CCBE1: variants seen among roughly 807,000 people sequenced by gnomAD.
CCBE1 encodes collagen and calcium-binding EGF domain-containing protein 1.
In CCBE1, 37 loss-of-function variants were observed where a neutral mutation model predicts 50.0. The observed-to-expected ratio is 0.74, with a 90% confidence interval of 0.57 to 0.97. The LOEUF (loss-of-function observed/expected upper bound fraction) is 0.97. Among genes scored for constraint, CCBE1 ranks in the 50% least tolerant of loss-of-function variants. The pLI is 0.00. For missense variants in CCBE1, 538 were observed against 523.8 expected (o/e 1.03, Z -0.26); for synonymous variants, 234 against 203.7 (o/e 1.15, Z -1.27).
chr18:59,448,117 A>G lies in CCBE1; in HGVS notation c.655-14T>C. On this transcript the variant is annotated splice_polypyrimidine_tract_variant and intron_variant, in intron 6 of 10. Transcript: ENST00000439986. ...GAGCAGAGCAATCTGCAAGGAGAAG[A>G]GGAAGCCTCAGTCAGGAAGCAATGG... is the stretch of plus-strand genomic sequence containing the variant. 6.2e-7 allele frequency: 1 copy of G among 1,613,458 alleles called. No individual in the cohort carries two copies. Among genetic ancestry groups the G allele is most frequent in the Non-Finnish European group, 8.5e-7 (1 of 1,179,968 alleles).
In CCBE1 at chr18:59,517,681, T is replaced by C. The variant is rs117698069; in HGVS notation, c.213-37443A>G. Among the ~76,000 whole-genome samples, 22 of 152,322 alleles carry C rather than the reference T, an allele frequency of 1.4e-4. No homozygotes were observed. In the East Asian group the frequency reaches 4.1e-3, roughly 28 times the overall value. ...ATCCCTTTCTTCCTAGACTCATTTA[T>C]AAGCACCACTTAAAACCAGATGCCA... On this transcript the variant is annotated intron_variant, in intron 2 of 10. Transcript: ENST00000439986.
intron 2 of CCBE1, among the ~76,000 whole-genome samples, chr18:59,518,547 T>C (rs1341334291): frequency 2.0e-5 from 3 of 152,248 alleles, no homozygotes; most frequent in African/African-American, 7.2e-5. Context: ...CTATAACTCA[T>C]GTTGGCTGTA....
intron 5 of CCBE1, among the ~76,000 whole-genome samples, chr18:59,460,449 T>C (rs754170415): frequency 6.6e-6 from 1 of 152,202 alleles, no homozygotes; most frequent in Non-Finnish European, 1.5e-5. Flanking sequence ...TACTAATTAG[T>C]CCAAAACAGA....
Position 59,448,436 on chromosome 18 carries a change from T to C in CCBE1, c.655-333A>G, listed in dbSNP as rs1281648133. 2.0e-5 allele frequency among the ~76,000 whole-genome samples: 3 copies of C among 152,304 alleles called. No individual in the cohort carries two copies. The East Asian group carries it at 5.8e-4, about 29-fold the overall frequency. On this transcript the variant is annotated intron_variant, in intron 6 of 10. Transcript: ENST00000439986. ...ATTTTTCAATGACCTATTTTATGTC[T>C]CAAACATTTATTGAACACCTACTAT...
intron 2 of CCBE1, among the ~76,000 whole-genome samples, chr18:59,601,123 C>T (rs1464448341): frequency 1.4e-5 from 2 of 145,852 alleles, no homozygotes; most frequent in Non-Finnish European, 3.0e-5. Context: ...CCTCTGCCTC[C>T]CAGGCTCAAG....
In CCBE1 at chr18:59,471,149, A is replaced by G. The variant is rs915121216; in HGVS notation, c.266-1542T>C. ...TTCCGCAGCAGCTGGGAAGGGGAAG[A>G]AGGAGGCAGAGAGGCTGTCGAAGTG... On this transcript the variant is annotated intron_variant, in intron 3 of 10. Coordinates refer to ENST00000439986, the MANE Select transcript of CCBE1 (RefSeq NM_133459.4). 9.8e-5 allele frequency among the ~76,000 whole-genome samples: 15 copies of G among 152,306 alleles called. No individual in the cohort carries two copies. In the East Asian group the frequency reaches 1.2e-3, roughly 12 times the overall value.
At chr18:59,693,533 C>G (rs2054765413) in intron 2 of CCBE1, among the ~76,000 whole-genome samples, 1 of 152,064 alleles carries the variant, frequency 6.6e-6, no homozygotes, top group African/African-American at 2.4e-5. Flanking sequence ...TTCTTTTGCC[C>G]AAAAGCCATT....
intron 2 of CCBE1, among the ~76,000 whole-genome samples, chr18:59,525,803 T>C (rs1201717914): frequency 6.6e-6 from 1 of 152,066 alleles, no homozygotes; most frequent in African/African-American, 2.4e-5. Flanking sequence ...TTCGATTTTC[T>C]GCATATGACT....
intron 2 of CCBE1, among the ~76,000 whole-genome samples, chr18:59,644,256 A>G (rs752821138): frequency 6.6e-6 from 1 of 152,204 alleles, no homozygotes; most frequent in Non-Finnish European, 1.5e-5. Context: ...GAGCTCAGGC[A>G]ATAATGCTCC....
At chr18:59,543,816 T>C (rs970157519) in intron 2 of CCBE1, among the ~76,000 whole-genome samples, 7 of 110,128 alleles carry the variant, frequency 6.4e-5, no homozygotes, top group Admixed American at 1.4e-4. Context: ...GGCTGGGAGA[T>C]AGAGCGAGAC....
chr18:59,668,260 A>T (rs1421921740), intron 2 of CCBE1, among the ~76,000 whole-genome samples: 6 of 152,076 alleles, frequency 3.9e-5, no homozygotes, highest in Non-Finnish European at 8.8e-5. Flanking sequence ...TCTACTAAAA[A>T]TACAAAAATT....
intron 5 of CCBE1, chr18:59,465,420 G>A (rs575188674): frequency 3.9e-5 from 6 of 151,984 alleles, no homozygotes; most frequent in Admixed American, 1.3e-4. Context: ...CTCAAATAAG[G>A]AAATAACCCG....
At chr18:59,549,655 TATG>T (rs1420736301) in intron 2 of CCBE1, among the ~76,000 whole-genome samples, 2 of 152,174 alleles carry the variant, frequency 1.3e-5, no homozygotes, top group African/African-American at 2.4e-5. Context: ...CCAATTATTA[TATG>T]ATGAACAGGC....
At chr18:59,616,779 G>A (rs1242596997) in intron 2 of CCBE1, among the ~76,000 whole-genome samples, 1 of 152,216 alleles carries the variant, frequency 6.6e-6, no homozygotes, top group Non-Finnish European at 1.5e-5. Context: ...TTCACACAAT[G>A]GCCGCAATGT....
intron 3 of CCBE1, among the ~76,000 whole-genome samples, chr18:59,477,590 TCTTC>T (rs1912374088): frequency 2.7e-5 from 4 of 150,902 alleles, no homozygotes; most frequent in Non-Finnish European, 4.4e-5. Context: ...ATCTTTGTTT[TCTTC>T]CTTCTTTTAT....
intron 5 of CCBE1, among the ~76,000 whole-genome samples, chr18:59,461,369 A>C (rs1434826577): frequency 6.6e-6 from 1 of 150,480 alleles, no homozygotes; most frequent in Non-Finnish European, 1.5e-5. Context: ...CAATCTCTTG[A>C]ATCATGACTT....
intron 7 of CCBE1, among the ~76,000 whole-genome samples, chr18:59,445,022 G>T (rs190801734): frequency 6.6e-6 from 1 of 152,060 alleles, no homozygotes; most frequent in East Asian, 1.9e-4. Context: ...TGTTTGATTT[G>T]AGACACAGAA....
At chr18:59,551,025 A>AAAAAAAAG (rs1915905215) in intron 2 of CCBE1, among the ~76,000 whole-genome samples, 1 of 114,852 alleles carries the variant, frequency 8.7e-6, no homozygotes, top group African/African-American at 3.8e-5. Context: ...AAAAAAAAAA[A>AAAAAAAAG]AAAAGAAAAG....
chr18:59,536,538 C>A (rs930965287), intron 2 of CCBE1, among the ~76,000 whole-genome samples: 1 of 152,064 alleles, frequency 6.6e-6, no homozygotes, highest in Non-Finnish European at 1.5e-5. Context: ...TGTCGACTTT[C>A]CCAGAAAAAC....
Sources: allele counts gnomAD v4.1 joint callset (sites outside exome capture counted in the v4.1 genomes callset), GRCh38; gene constraint gnomAD v4.1.1; transcripts MANE v1.5; gene names NCBI Gene and HGNC (gene_info 2026-07-23, HGNC 2026-07-21).